The following RALGAPA2 variants were observed in gnomAD, a reference collection of about 807,000 sequenced individuals.
RALGAPA2 encodes the protein ral GTPase-activating protein subunit alpha-2.
Under a neutral mutation model 230.4 loss-of-function variants are expected in RALGAPA2, and 139 were observed. That is an observed-to-expected ratio of 0.60 (90% CI 0.53 to 0.69). RALGAPA2 has a LOEUF of 0.69. Ranked by LOEUF, RALGAPA2 falls within the 30% of genes least tolerant of loss-of-function variation. The pLI, the probability that RALGAPA2 is intolerant of heterozygous loss-of-function variation, is 0.00. For missense variants in RALGAPA2, 2,163 were observed against 2,276.0 expected (o/e 0.95, Z 1.01); for synonymous variants, 847 against 837.8 (o/e 1.01, Z -0.19).
At chr20:20,711,012 T>C (rs2069838496) in intron 1 of RALGAPA2, among the ~76,000 whole-genome samples, 1 of 152,156 alleles carries the variant, frequency 6.6e-6, no homozygotes, top group South Asian at 2.1e-4. Flanking sequence ...AAATTCAGTT[T>C]ACCAAGAACG....
chr20:20,661,299 C>T (rs1475504918), intron 3 of RALGAPA2, among the ~76,000 whole-genome samples: 1 of 152,120 alleles, frequency 6.6e-6, no homozygotes, highest in Admixed American at 6.5e-5. Flanking sequence ...GCTGGGATTA[C>T]AGGCGTGTGC....
intron 20 of RALGAPA2, among the ~76,000 whole-genome samples, chr20:20,576,993 T>C (rs193257304): frequency 1.3e-5 from 2 of 152,258 alleles, no homozygotes; most frequent in East Asian, 1.9e-4. Flanking sequence ...TTTATTAACA[T>C]GTATGTTATT....
chr20:20,493,888 C>T (rs563199460), intron 36 of RALGAPA2, among the ~76,000 whole-genome samples: 2 of 152,280 alleles, frequency 1.3e-5, no homozygotes, highest in African/African-American at 2.4e-5. Flanking sequence ...TTGGCATCTG[C>T]GTTCCCTCAA....
chr20:20,626,007 T>C (rs1013288184), intron 10 of RALGAPA2, among the ~76,000 whole-genome samples: 6 of 152,192 alleles, frequency 3.9e-5, no homozygotes, highest in Non-Finnish European at 8.8e-5. Context: ...TCTGCCCCAA[T>C]AGCTCACCAG....
At chr20:20,653,195 C>CAAAA (rs60906434) in intron 4 of RALGAPA2, among the ~76,000 whole-genome samples, 76 of 27,522 alleles carry the variant, frequency 2.8e-3, no homozygotes, top group African/African-American at 6.2e-3. Flanking sequence ...GACTCCATCT[C>CAAAA]AAAAAAAAAA....
rs1463516409 is a variant in RALGAPA2 at position 20,398,968 on chromosome 20, T to G, written c.5618-2234A>C. On this transcript the variant is annotated intron_variant, in intron 38 of 39. Transcript: ENST00000202677. This position sits in a 1 kb window ranked among gnomAD's most constrained non-coding sequence, Gnocchi z 4.5. ...GTACTGTAAGTAAACAGATACACAG[T>G]GTTTCTGTGGTGTTTCAGGGGAGGG... 6.6e-6 allele frequency among the ~76,000 whole-genome samples: 1 copy of G among 152,086 alleles called. No homozygotes were observed. The highest frequency in any genetic ancestry group is 1.5e-5 in the Non-Finnish European group (1 of 68,010).
chr20:20,605,128 G>A (rs372892383), intron 15 of RALGAPA2, 47 bp downstream of exon 15: 114 of 1,480,564 alleles, frequency 7.7e-5, no homozygotes, highest in African/African-American at 1.9e-4. Flanking sequence ...ATACACACTC[G>A]TCCCCAGTCC....
chr20:20,566,012 G>A (rs1427946172), intron 23 of RALGAPA2, among the ~76,000 whole-genome samples: 2 of 152,214 alleles, frequency 1.3e-5, no homozygotes, highest in Non-Finnish European at 1.5e-5. Flanking sequence ...GAAAAAGCTG[G>A]TAAGCAGGAA....
intron 1 of RALGAPA2, among the ~76,000 whole-genome samples, chr20:20,708,805 C>T (rs1434345632): frequency 6.6e-6 from 1 of 152,174 alleles, no homozygotes; most frequent in Non-Finnish European, 1.5e-5. Flanking sequence ...CATAAATTTA[C>T]TATTATTTTG....
intron 2 of RALGAPA2, 26 bp downstream of exon 2, chr20:20,680,665 T>TAAA: frequency 1.3e-6 from 2 of 1,497,242 alleles, no homozygotes; most frequent in Non-Finnish European, 1.8e-6. Context: ...GAATGTTTTT[T>TAAA]AAAAAAAAAC....
intron 2 of RALGAPA2, among the ~76,000 whole-genome samples, chr20:20,677,989 C>T (rs573260939): frequency 1.3e-5 from 2 of 152,120 alleles, no homozygotes; most frequent in African/African-American, 4.8e-5. Context: ...TGACAAGAAA[C>T]TATGGGATGG....
At chr20:20,647,194 T>A (rs927133043) in intron 4 of RALGAPA2, among the ~76,000 whole-genome samples, 2 of 152,208 alleles carry the variant, frequency 1.3e-5, no homozygotes, top group Middle Eastern at 3.2e-3. Flanking sequence ...CAGATATTTC[T>A]CACCTAAAAC....
At chr20:20,543,211 G>GT (rs948410002) in intron 24 of RALGAPA2, among the ~76,000 whole-genome samples, 10 of 151,608 alleles carry the variant, frequency 6.6e-5, no homozygotes, top group East Asian at 3.9e-4. Context: ...CACCCAGCTA[G>GT]TTTTTTTTTA....
In RALGAPA2 at chr20:20,592,684, C is replaced by A. The variant is rs562454911; in HGVS notation, c.2204-1370G>T. On this transcript the variant is annotated intron_variant, in intron 16 of 39. Coordinates refer to ENST00000202677, the MANE Select transcript of RALGAPA2 (RefSeq NM_020343.4). Reference sequence around the variant, plus strand: ...ACTGGCTGGGTCACCTGGTTTGTCACCTGAAATGGAAACTCACTGTCAATG... The same window carrying A: ...ACTGGCTGGGTCACCTGGTTTGTCAACTGAAATGGAAACTCACTGTCAATG... 2.6e-5 allele frequency among the ~76,000 whole-genome samples: 4 copies of A among 152,296 alleles called. No homozygotes were observed. The South Asian group carries it at 8.3e-4, about 32-fold the overall frequency.
chr20:20,583,047 T>G lies in RALGAPA2; in HGVS notation c.2707+3A>C. 6.2e-7 allele frequency: 1 copy of G among 1,612,986 alleles called. No homozygotes were observed. The highest frequency in any genetic ancestry group is 8.5e-7 in the Non-Finnish European group (1 of 1,179,352). On this transcript the variant is annotated splice_donor_region_variant and intron_variant, in intron 20 of 39. Coordinates refer to ENST00000202677, the MANE Select transcript of RALGAPA2 (RefSeq NM_020343.4). ...AGTGCCTCTTTTTCAAAATGCAATT[T>G]ACCTGTTAAATTTGAAGCATCGGTG...
rs555593218 is a variant in RALGAPA2, at chr20:20,455,138, A to T, written c.5495+17691T>A. ...TGTGTCCCTAGGAAGGGTGTTACGA[A>T]TCTAAGCCCCGGAGCTGCTGCCTCC... On this transcript the variant is annotated intron_variant, in intron 37 of 39. Transcript: ENST00000202677. Among the ~76,000 whole-genome samples, 161 of 152,334 alleles carry T rather than the reference A, an allele frequency of 1.1e-3. 1 individual carries two copies. The highest frequency in any genetic ancestry group is 3.7e-3 in the African/African-American group (154 of 41,584).
intron 37 of RALGAPA2, among the ~76,000 whole-genome samples, chr20:20,447,705 A>C (rs2060895634): frequency 6.6e-6 from 1 of 152,102 alleles, no homozygotes; most frequent in Non-Finnish European, 1.5e-5. Flanking sequence ...ACATAAAATA[A>C]GGAGTGGAAC....
At chr20:20,628,851 T>G (rs565078394) in intron 10 of RALGAPA2, among the ~76,000 whole-genome samples, 3 of 152,306 alleles carry the variant, frequency 2.0e-5, no homozygotes, top group African/African-American at 7.2e-5. Context: ...CCTCTGCTCC[T>G]TTCTTTCCTT....
Position 20,546,716 on chromosome 20 carries a change from T to C in RALGAPA2, c.3273A>G (p.Thr1091=), listed in dbSNP as rs770384472. Residue 1091 remains threonine (T), a synonymous_variant, in exon 24 of 40, where the codon ACA becomes ACG. Transcript: ENST00000202677. Reference sequence around the variant, plus strand: ...TTGTCATACTCACCGTCAAAATGTCTGTGCTAAGGACCCTGGCAGCGGCCG... The same window carrying C: ...TTGTCATACTCACCGTCAAAATGTCCGTGCTAAGGACCCTGGCAGCGGCCG... ...FITAAARVLS[T]DILTAPRSEA... 3 of 1,600,564 alleles carry C rather than the reference T, an allele frequency of 1.9e-6. No homozygotes were observed. Among genetic ancestry groups the C allele is most frequent in the Middle Eastern group, 3.3e-4 (2 of 5,990 alleles).
Sources: allele counts gnomAD v4.1 joint callset (sites outside exome capture counted in the v4.1 genomes callset), GRCh38; gene constraint gnomAD v4.1.1; non-coding constraint Gnocchi (gnomAD v3.1); transcripts MANE v1.5; gene names NCBI Gene and HGNC (gene_info 2026-07-23, HGNC 2026-07-21).